SLC25A15: variants seen among roughly 807,000 people sequenced by gnomAD.
SLC25A15 encodes mitochondrial ornithine transporter 1.
SLC25A15 carries 24 observed loss-of-function variants against 32.3 expected under a neutral mutation model. The ratio of observed to expected loss-of-function variants is 0.74; its 90% CI spans 0.54 to 1.04. The LOEUF is 1.04. Ranked by LOEUF, SLC25A15 falls within the 50% of genes least tolerant of loss-of-function variation. The probability of loss-of-function intolerance (pLI) is 0.00; values close to 1 mark genes in which losing one functional copy is unlikely to be tolerated. For synonymous variants in SLC25A15, 132 were observed against 142.1 expected (o/e 0.93, Z 0.51); for missense variants, 317 against 374.5 (o/e 0.85, Z 1.27).
At chr13:40,801,229 C>CAAA (rs1246800749) in intron 3 of SLC25A15, among the ~76,000 whole-genome samples, 1 of 83,776 alleles carries the variant, frequency 1.2e-5, no homozygotes, top group Non-Finnish European at 2.5e-5. Context: ...CTGTGTCTCT[C>CAAA]AAAAAAAAAA....
At chr13:40,806,375 C>T (rs1177321675) in intron 4 of SLC25A15, among the ~76,000 whole-genome samples, 1 of 152,056 alleles carries the variant, frequency 6.6e-6, no homozygotes, top group Non-Finnish European at 1.5e-5. Flanking sequence ...ATCCAAAGGA[C>T]TTAGGCAGAT....
intron 1 of SLC25A15, among the ~76,000 whole-genome samples, chr13:40,792,890 T>C (rs1881560196): frequency 6.6e-6 from 1 of 152,202 alleles, no homozygotes; most frequent in African/African-American, 2.4e-5. Flanking sequence ...TTGGCTTACT[T>C]ATTTGGTGTT....
At chr13:40,794,207 G>T (rs531425561) in intron 2 of SLC25A15, among the ~76,000 whole-genome samples, 3 of 152,278 alleles carry the variant, frequency 2.0e-5, no homozygotes, top group Non-Finnish European at 2.9e-5. Flanking sequence ...AGGCGTGGTG[G>T]TGCATGCCTG....
intron 3 of SLC25A15, among the ~76,000 whole-genome samples, chr13:40,801,229 C>CA (rs1246800749): frequency 0.14 from 11,887 of 83,550 alleles, 559 homozygotes; most frequent in Middle Eastern, 0.17. Context: ...CTGTGTCTCT[C>CA]AAAAAAAAAA....
Position 40,809,675 on chromosome 13 carries a change from T to C in SLC25A15, c.*8T>C. 6.2e-7 allele frequency: 1 copy of C among 1,613,118 alleles called. No individual in the cohort carries two copies. Among genetic ancestry groups the C allele is most frequent in the East Asian group, 2.2e-5 (1 of 44,872 alleles). On this transcript the variant is annotated 3_prime_UTR_variant, in exon 7 of 7. Coordinates refer to ENST00000338625, the MANE Select transcript of SLC25A15 (RefSeq NM_014252.4). ...CAGTTGGAAGCATACTGAAGTGTCT[T>C]GGTGGGCCTGAGCCAAGCACAGGTG...
chr13:40,798,915 A>T, intron 2 of SLC25A15, 142 bp from the exon 3 acceptor site: 4 of 1,575,800 alleles, frequency 2.5e-6, no homozygotes. Context: ...TGTTTACTGG[A>T]CATGGCTGGA....
intron 2 of SLC25A15, among the ~76,000 whole-genome samples, chr13:40,797,925 A>G (rs1161914731): frequency 2.0e-5 from 3 of 152,166 alleles, no homozygotes; most frequent in African/African-American, 7.2e-5. Context: ...ACCCTACTAC[A>G]GGGTGTGGGG....
chr13:40,808,808 A>G (rs570071504), intron 6 of SLC25A15, among the ~76,000 whole-genome samples: 9 of 151,710 alleles, frequency 5.9e-5, no homozygotes, highest in East Asian at 3.9e-4. Flanking sequence ...GGTGGCAGGC[A>G]CCTGTAGTCC....
chr13:40,807,148 G>A lies in SLC25A15; in HGVS notation c.453-146G>A. 3.8e-6 allele frequency: 3 copies of A among 788,340 alleles called. No individual in the cohort carries two copies. The Admixed American group carries it at 5.5e-5, about 14-fold the overall frequency. 48.8% of individuals were successfully genotyped at this position (788,340 alleles called of 1,614,324 possible). ...TTCCTTCCCACAGAAGGATGCCGTT[G>A]AGTCTTAATTCCTGGCTCTTCATTT... On this transcript the variant is annotated intron_variant, in intron 4 of 6. Coordinates refer to ENST00000338625, the MANE Select transcript of SLC25A15 (RefSeq NM_014252.4).
chr13:40,805,353 C>T, intron 4 of SLC25A15, 98 bp downstream of exon 4: 1 of 1,342,764 alleles, frequency 7.4e-7, no homozygotes, highest in Non-Finnish European at 1.0e-6. Context: ...ATGTGGAAGC[C>T]AATTTATCTA....
intron 2 of SLC25A15, among the ~76,000 whole-genome samples, chr13:40,795,496 A>C (rs1881639005): frequency 6.6e-6 from 1 of 152,206 alleles, no homozygotes. Context: ...TTGAACATGT[A>C]TTGATCCCTT....
chr13:40,799,645 C>T (rs1315442125), intron 3 of SLC25A15, among the ~76,000 whole-genome samples: 1 of 152,190 alleles, frequency 6.6e-6, no homozygotes, highest in Non-Finnish European at 1.5e-5. Flanking sequence ...CACATATGCA[C>T]ACCACAGAGG....
intron 5 of SLC25A15, among the ~76,000 whole-genome samples, chr13:40,807,904 G>A (rs1231021275): frequency 1.3e-5 from 2 of 152,208 alleles, no homozygotes; most frequent in African/African-American, 4.8e-5. Flanking sequence ...TACATGCAAT[G>A]TTTGGCTCAC....
At chr13:40,794,388 A>G (rs552536666) in intron 2 of SLC25A15, among the ~76,000 whole-genome samples, 1 of 151,488 alleles carries the variant, frequency 6.6e-6, no homozygotes, top group South Asian at 2.1e-4. Flanking sequence ...CTGATAATGG[A>G]CTGTGTCTTA....
intron 2 of SLC25A15, among the ~76,000 whole-genome samples, chr13:40,796,332 C>A (rs1434447668): frequency 2.6e-5 from 4 of 152,130 alleles, no homozygotes; most frequent in Non-Finnish European, 4.4e-5. Flanking sequence ...ACATCTAGAT[C>A]CCTAAACAGC....
In SLC25A15 at chr13:40,799,255, A is replaced by G. The variant is rs1290819492; in HGVS notation, c.254A>G (p.Tyr85Cys). The G allele has an allele frequency of 6.2e-7, 1 of 1,614,216 alleles. No homozygotes were observed. The highest frequency in any genetic ancestry group is 8.5e-7 in the Non-Finnish European group (1 of 1,180,042). Reference protein sequence around the residue: ...IAENSVLFMCYGFCQQVVRKV... With the variant: ...IAENSVLFMCCGFCQQVVRKV... ...GAGAACTCAGTCCTCTTCATGTGCT[A>G]CGGCTTCTGCCAGCAGGTGGTGCGG... The change falls in exon 3 of 7, where the codon TAC becomes TGC. Residue 85 changes from tyrosine (Y) to cysteine (C), a missense_variant. Coordinates refer to ENST00000338625, the MANE Select transcript of SLC25A15 (RefSeq NM_014252.4).
At chr13:40,803,835 C>T (rs757171137) in intron 3 of SLC25A15, among the ~76,000 whole-genome samples, 1 of 152,180 alleles carries the variant, frequency 6.6e-6, no homozygotes, top group African/African-American at 2.4e-5. Flanking sequence ...CATCTGGTTG[C>T]TCCAGGTTGG....
chr13:40,811,511 C>T lies in SLC25A15; in HGVS notation c.*1844C>T, dbSNP rs1030640516. On this transcript the variant is annotated 3_prime_UTR_variant, in exon 7 of 7. Coordinates refer to ENST00000338625, the MANE Select transcript of SLC25A15 (RefSeq NM_014252.4). Reference sequence around the variant, plus strand: ...CTCAAAAAAAAAAAGAAAAGAAAAGCAATTGTACTTCACTATGCCATATGT... The same window carrying T: ...CTCAAAAAAAAAAAGAAAAGAAAAGTAATTGTACTTCACTATGCCATATGT... 1.3e-5 allele frequency among the ~76,000 whole-genome samples: 2 copies of T among 151,458 alleles called. No homozygotes were observed. Among genetic ancestry groups the T allele is most frequent in the Non-Finnish European group, 2.9e-5 (2 of 67,920 alleles).
rs1882477807 is a variant in SLC25A15, at chr13:40,812,054, A to ATACT, written c.*2390_*2393dup. On this transcript the variant is annotated 3_prime_UTR_variant, in exon 7 of 7. Coordinates refer to ENST00000338625, the MANE Select transcript of SLC25A15 (RefSeq NM_014252.4). ...ATTTTTCTACTTTGCTTTTCTCTCCATACTTAAATGGTCAGTAGCTACTGA... is the reference window on the plus strand; with the variant it reads ...ATTTTTCTACTTTGCTTTTCTCTCCATACTTACTTAAATGGTCAGTAGCTACTGA... Among the ~76,000 whole-genome samples the ATACT allele has an allele frequency of 6.6e-6, 1 of 152,114 alleles. No homozygotes were observed. The highest frequency in any genetic ancestry group is 1.5e-5 in the Non-Finnish European group (1 of 68,030).
Sources: allele counts gnomAD v4.1 joint callset (sites outside exome capture counted in the v4.1 genomes callset), GRCh38; gene constraint gnomAD v4.1.1; transcripts MANE v1.5; gene names NCBI Gene and HGNC (gene_info 2026-07-23, HGNC 2026-07-21).